The following ZFP62 variants were observed in gnomAD, a reference collection of about 807,000 sequenced individuals.
ZFP62 encodes the protein zinc finger protein 62 homolog.
ZFP62 carries 44 observed loss-of-function variants against 56.4 expected under a neutral mutation model. That is an observed-to-expected ratio of 0.78 (90% CI 0.61 to 1.00). The LOEUF (loss-of-function observed/expected upper bound fraction) is 1.00. ZFP62 is among the 50% of genes least tolerant of loss of function. The probability of loss-of-function intolerance (pLI) is 0.00; values close to 1 mark genes in which losing one functional copy is unlikely to be tolerated. For missense variants in ZFP62, 1,030 were observed against 1,085.7 expected, an observed-to-expected ratio of 0.95 and a Z score of 0.72; for synonymous variants, 421 against 388.9, an observed-to-expected ratio of 1.08 and a Z score of -0.97.
At chr5:180,857,521 C>A (rs556117180) in intron 1 of ZFP62, among the ~76,000 whole-genome samples, 115 of 152,228 alleles carry the variant, frequency 7.6e-4, no homozygotes, top group African/African-American at 2.5e-3. Flanking sequence ...TTTTTTGAGA[C>A]TGAGTCTTGC....
downstream of ZFP62, chr5:180,845,834 A>G: frequency 4.1e-6 from 4 of 985,442 alleles, no homozygotes; most frequent in Non-Finnish European, 4.8e-6. Flanking sequence ...CCTGCATTGC[A>G]GGATTGGTGT....
the ZFP62 span, chr5:180,834,279 G>A: frequency 2.0e-5 from 3 of 152,392 alleles, no homozygotes; most frequent in Non-Finnish European, 1.5e-5. Flanking sequence ...TGTATTGACT[G>A]ACTGATTGAT....
At chr5:180,857,021 C>T (rs1369052868) in intron 1 of ZFP62, among the ~76,000 whole-genome samples, 1 of 143,236 alleles carries the variant, frequency 7.0e-6, no homozygotes, top group African/African-American at 2.7e-5. Flanking sequence ...GGATGGACTA[C>T]AGGAATAGCT....
chr5:180,845,130 C>G (rs905384493), downstream of ZFP62, among the ~76,000 whole-genome samples: 12 of 151,796 alleles, frequency 7.9e-5, no homozygotes, highest in African/African-American at 2.9e-4. Flanking sequence ...GTCAGGAGTT[C>G]AAGACCAGCC....
At chr5:180,831,381 T>A in the ZFP62 span, 1 of 150,794 alleles carries the variant, frequency 6.6e-6, no homozygotes, top group Admixed American at 6.6e-5. Flanking sequence ...AGAGGGGCCG[T>A]GGCGCCATCG....
At chr5:180,851,524 T>G (rs781383809) in intron 1 of ZFP62, 31 bp from the exon 2 acceptor site, 2 of 1,484,662 alleles carry the variant, frequency 1.3e-6, no homozygotes, top group Non-Finnish European at 1.8e-6. Flanking sequence ...GGACACCTAT[T>G]CACTCTCTTA....
chr5:180,830,753 C>T, the ZFP62 span: 1 of 152,376 alleles, frequency 6.6e-6, no homozygotes, highest in Admixed American at 6.5e-5. Flanking sequence ...AAAGCAGTAA[C>T]AGCAGGTCTC....
Position 180,849,574 on chromosome 5 carries a change from T to C in ZFP62, c.1921A>G (p.Arg641Gly), listed in dbSNP as rs1427897147. 3.2e-6 allele frequency: 5 copies of C among 1,551,930 alleles called. No individual in the cohort carries two copies. Among genetic ancestry groups the C allele is most frequent in the Non-Finnish European group, 4.4e-6 (5 of 1,147,106 alleles). The change falls in exon 2 of 2, where the codon AGA (arginine) becomes GGA (glycine). Residue 641 changes from arginine (R) to glycine (G), a missense_variant. By Grantham distance (125) the Arg-to-Gly change is moderately radical. Coordinates refer to ENST00000502412, the MANE Select transcript of ZFP62 (RefSeq NM_001172638.2). The part of the protein sequence containing the change: ...LLSQHRRVHT[R>G]EKPYECDRCE... The stretch of plus-strand genomic sequence containing the variant: ...CTGTCACATTCATAGGGTTTCTCTC[T>C]AGTGTGGACCCTTCTGTGCTGAGAA...
chr5:180,827,974 C>T, the ZFP62 span, among the ~76,000 whole-genome samples: 1 of 152,206 alleles, frequency 6.6e-6, no homozygotes, highest in Admixed American at 6.5e-5. Context: ...CCTTTGTTCA[C>T]GTGTTTGTCT....
At chr5:180,844,627 C>T (rs1216257619), downstream of ZFP62, among the ~76,000 whole-genome samples, 2 of 152,208 alleles carry the variant, frequency 1.3e-5, no homozygotes, top group Non-Finnish European at 2.9e-5. Context: ...CCCTCAACCC[C>T]CAACGTGTGG....
the ZFP62 span, chr5:180,830,481 A>C: frequency 6.6e-6 from 1 of 152,536 alleles, no homozygotes; most frequent in South Asian, 2.1e-4. Context: ...CCTGATGACT[A>C]CAGAGCCATC....
At chr5:180,860,816 G>A (rs2113731639) in intron 1 of ZFP62, 1 of 233,422 alleles carries the variant, frequency 4.3e-6, no homozygotes. Context: ...CTTAACTGCA[G>A]AGGGAGCACG....
chr5:180,861,204 C>G lies in ZFP62; in HGVS notation c.1+15G>C. ...GGCCGGGGGCGGGAGCGCGGGCGGCCGCGGACTCACGTACTGGCTGTGGCG... is the reference window on the plus strand; with the variant it reads ...GGCCGGGGGCGGGAGCGCGGGCGGCGGCGGACTCACGTACTGGCTGTGGCG... On this transcript the variant is annotated intron_variant, in intron 1 of 1. Transcript: ENST00000502412. 2 of 398,294 alleles carry G rather than the reference C, an allele frequency of 5.0e-6. No individual in the cohort carries two copies. Among genetic ancestry groups the G allele is most frequent in the Non-Finnish European group, 8.9e-6 (2 of 225,800 alleles). The allele number at this position is 398,294 out of a possible 1,614,324, so 24.7% of individuals were successfully genotyped here.
At chr5:180,841,268 C>CAT in the ZFP62 span, among the ~76,000 whole-genome samples, 4 of 148,312 alleles carry the variant, frequency 2.7e-5, no homozygotes, top group African/African-American at 1.0e-4. Context: ...CACACACACA[C>CAT]ATATATATAT....
chr5:180,833,493 AAAAAG>A, the ZFP62 span, among the ~76,000 whole-genome samples: 8 of 148,454 alleles, frequency 5.4e-5, no homozygotes, highest in African/African-American at 2.1e-4. Context: ...AAAAAAAAAA[AAAAAG>A]AGAACAGAGA....
At chr5:180,840,692 G>T in the ZFP62 span, among the ~76,000 whole-genome samples, 4 of 151,954 alleles carry the variant, frequency 2.6e-5, no homozygotes, top group African/African-American at 9.7e-5. Context: ...GGAGGTGGAG[G>T]TTGCAGTGAG....
At chr5:180,842,980 T>C (rs1773344792), downstream of ZFP62, among the ~76,000 whole-genome samples, 1 of 151,350 alleles carries the variant, frequency 6.6e-6, no homozygotes, top group African/African-American at 2.4e-5. Context: ...GAGGTAGCCA[T>C]TGCAGTGAGC....
downstream of ZFP62, among the ~76,000 whole-genome samples, chr5:180,847,412 G>A (rs986447205): frequency 6.6e-6 from 1 of 152,144 alleles, no homozygotes; most frequent in African/African-American, 2.4e-5. Flanking sequence ...CGATCACATG[G>A]CTCCACTGTG....
chr5:180,827,232 C>G, the ZFP62 span, among the ~76,000 whole-genome samples: 1 of 152,194 alleles, frequency 6.6e-6, no homozygotes, highest in African/African-American at 2.4e-5. Flanking sequence ...GCTCACATTG[C>G]ATTGGCCAGA....
Sources: allele counts gnomAD v4.1 joint callset (sites outside exome capture counted in the v4.1 genomes callset), GRCh38; gene constraint gnomAD v4.1.1; transcripts MANE v1.5; gene names NCBI Gene and HGNC (gene_info 2026-07-23, HGNC 2026-07-21).